The following PIAS2 variants were observed in gnomAD, a reference collection of about 807,000 sequenced individuals.
The protein encoded by PIAS2 is protein inhibitor of activated STAT 2.
In PIAS2, 19 loss-of-function variants were observed where a neutral mutation model predicts 69.7. The observed-to-expected ratio is 0.27, with a 90% CI of 0.19 to 0.40. The LOEUF (loss-of-function observed/expected upper bound fraction) is 0.40, where lower values mean the gene tolerates loss of function less well. PIAS2 is among the 10% of genes least tolerant of loss of function. The pLI is 1.00. For synonymous variants in PIAS2, 261 were observed against 263.2 expected, an observed-to-expected ratio of 0.99 and a Z score of 0.08; for missense variants, 624 against 757.0, an observed-to-expected ratio of 0.82 and a Z score of 2.06.
At chr18:46,920,138 T>C, upstream of PIAS2, 1 of 1,244,286 alleles carries the variant, frequency 8.0e-7, no homozygotes, top group South Asian at 1.2e-5. Context: ...ATGGGTTGGG[T>C]AGGTTTGACT....
At chr18:46,818,531 G>A in intron 12 of PIAS2, 2 of 1,185,838 alleles carry the variant, frequency 1.7e-6, no homozygotes, top group South Asian at 2.7e-5. Context: ...CTCCATTCTT[G>A]GTGTTCTATT....
chr18:46,871,871 T>C (rs1026260741), intron 2 of PIAS2, among the ~76,000 whole-genome samples: 6 of 152,230 alleles, frequency 3.9e-5, no homozygotes, highest in African/African-American at 1.4e-4. Flanking sequence ...GGTATAGGCC[T>C]ACATGTCAGT....
chr18:46,882,807 G>A (rs2052497436), intron 2 of PIAS2, among the ~76,000 whole-genome samples: 1 of 152,082 alleles, frequency 6.6e-6, no homozygotes, highest in East Asian at 1.9e-4. Flanking sequence ...CAAAACTCTA[G>A]GGAACACTAT....
chr18:46,861,832 T>C (rs1390179680), intron 3 of PIAS2, among the ~76,000 whole-genome samples: 1 of 152,210 alleles, frequency 6.6e-6, no homozygotes, highest in East Asian at 1.9e-4. Flanking sequence ...GATTTGGGAT[T>C]GTATCTAGGA....
At chr18:46,883,565 G>C (rs560730423) in intron 2 of PIAS2, among the ~76,000 whole-genome samples, 18 of 152,192 alleles carry the variant, frequency 1.2e-4, no homozygotes, top group African/African-American at 3.9e-4. Context: ...AAGCCTGGCA[G>C]AATGGCTCAT....
intron 2 of PIAS2, among the ~76,000 whole-genome samples, chr18:46,888,175 A>G (rs769844092): frequency 1.8e-4 from 27 of 152,190 alleles, no homozygotes; most frequent in Admixed American, 6.5e-4. Flanking sequence ...TAACAACTAT[A>G]AAACATTGCT....
intron 1 of PIAS2, among the ~76,000 whole-genome samples, chr18:46,896,891 A>G (rs887491495): frequency 6.6e-6 from 1 of 152,262 alleles, no homozygotes; most frequent in Non-Finnish European, 1.5e-5. Flanking sequence ...GATTATTTCT[A>G]TCCTTACAGT....
chr18:46,904,803 T>A (rs897948601), intron 1 of PIAS2, among the ~76,000 whole-genome samples: 12 of 150,398 alleles, frequency 8.0e-5, no homozygotes, highest in African/African-American at 2.9e-4. Context: ...GTACCCAGGC[T>A]GGTCTCAAAC....
In PIAS2 at chr18:46,807,383, A is replaced by ATATATATATATATATATATATTTTT. The variant is rs869149927; in HGVS notation, c.*5049_*5050insAAAAATATATATATATATATATATA. ...TATATATATATATATATATATATAT[A>ATATATATATATATATATATATTTTT]TTTTTTTTTTTTTTTTTTTTTTTTT... On this transcript the variant is annotated 3_prime_UTR_variant, in exon 14 of 14. Coordinates refer to ENST00000585916, the MANE Select transcript of PIAS2 (RefSeq NM_004671.5). The ATATATATATATATATATATATTTTT allele has an allele frequency of 8.6e-5, 1 of 11,600 alleles. No homozygotes were observed. The highest frequency in any genetic ancestry group is 3.0e-3 in the East Asian group (1 of 328). 0.7% of individuals were successfully genotyped at this position (11,600 alleles called of 1,614,324 possible). A position where few individuals can be genotyped will look rare whatever the true frequency, so the allele number is the denominator to read the frequency against.
chr18:46,805,202 T>C lies in PIAS2; in HGVS notation c.*7231A>G, dbSNP rs942307850. 2 of 152,138 alleles carry C rather than the reference T, an allele frequency of 1.3e-5. No individual in the cohort carries two copies. Among genetic ancestry groups the C allele is most frequent in the East Asian group, 3.9e-4 (2 of 5,182 alleles). 9.4% of individuals were successfully genotyped at this position (152,138 alleles called of 1,614,324 possible). A position where few individuals can be genotyped will look rare whatever the true frequency, so the allele number is the denominator to read the frequency against. The stretch of plus-strand genomic sequence containing the variant: ...AACTATGCTACGTCATGTCGGAGGA[T>C]GGATAGGTTACTGAGGATTTCTTCA... On this transcript the variant is annotated 3_prime_UTR_variant, in exon 14 of 14. Coordinates refer to ENST00000585916, the MANE Select transcript of PIAS2 (RefSeq NM_004671.5).
intron 5 of PIAS2, among the ~76,000 whole-genome samples, chr18:46,850,679 T>C (rs771749709): frequency 5.3e-5 from 8 of 152,192 alleles, no homozygotes; most frequent in Non-Finnish European, 1.2e-4. Context: ...GATCAGGAGT[T>C]CAGGGGATGT....
At chr18:46,900,915 G>C (rs776687924) in intron 1 of PIAS2, 1 of 270,970 alleles carries the variant, frequency 3.7e-6, no homozygotes, top group Non-Finnish European at 7.2e-6. Flanking sequence ...CGGAGGTTGC[G>C]GTGAGCCGAC....
intron 1 of PIAS2, among the ~76,000 whole-genome samples, chr18:46,915,835 C>G (rs887736662): frequency 6.6e-6 from 1 of 150,910 alleles, no homozygotes; most frequent in Non-Finnish European, 1.5e-5. Context: ...ACATCTGTTA[C>G]TACACAAAAA....
chr18:46,906,781 G>C (rs1021853231), intron 1 of PIAS2, among the ~76,000 whole-genome samples: 2 of 144,554 alleles, frequency 1.4e-5, no homozygotes, highest in Non-Finnish European at 3.1e-5. Context: ...TGTGGGGGGG[G>C]GGGGAGGTGT....
At chr18:46,888,957 A>C (rs1409589018) in intron 2 of PIAS2, among the ~76,000 whole-genome samples, 1 of 152,182 alleles carries the variant, frequency 6.6e-6, no homozygotes, top group African/African-American at 2.4e-5. Context: ...ATACTTTTTG[A>C]CAAGGGTGCT....
rs535880181 is a variant in PIAS2, at chr18:46,811,148, T to G, written c.*1285A>C. 1.3e-5 allele frequency: 2 copies of G among 152,112 alleles called. No homozygotes were observed. The highest frequency in any genetic ancestry group is 4.8e-5 in the African/African-American group (2 of 41,404). 9.4% of individuals were successfully genotyped at this position (152,112 alleles called of 1,614,324 possible). A position where few individuals can be genotyped will look rare whatever the true frequency, so the allele number is the denominator to read the frequency against. Reference sequence around the variant, plus strand: ...CCTGGAGTGTTTGGGGTAGCATGGATTGAGACAGGAAGTGGGTTCAGGCCC... The same window carrying G: ...CCTGGAGTGTTTGGGGTAGCATGGAGTGAGACAGGAAGTGGGTTCAGGCCC... On this transcript the variant is annotated 3_prime_UTR_variant, in exon 14 of 14. Coordinates refer to ENST00000585916, the MANE Select transcript of PIAS2 (RefSeq NM_004671.5).
chr18:46,876,363 C>G (rs922791277), intron 2 of PIAS2, among the ~76,000 whole-genome samples: 3 of 152,164 alleles, frequency 2.0e-5, no homozygotes, highest in African/African-American at 7.2e-5. Flanking sequence ...TGAGTCCATA[C>G]TATTCTGGTG....
chr18:46,858,125 G>GTGCAAAGA (rs1009562435), intron 3 of PIAS2, among the ~76,000 whole-genome samples: 6 of 151,894 alleles, frequency 4.0e-5, no homozygotes, highest in African/African-American at 9.7e-5. Context: ...GGCGGCAAAG[G>GTGCAAAGA]TGCAAAGATG....
At chr18:46,907,827 G>A (rs995222522) in intron 1 of PIAS2, 7 of 152,174 alleles carry the variant, frequency 4.6e-5, no homozygotes, top group African/African-American at 1.7e-4. Flanking sequence ...TGATTTTCCT[G>A]TTGGGAGGGT....
Sources: allele counts gnomAD v4.1 joint callset (sites outside exome capture counted in the v4.1 genomes callset), GRCh38; gene constraint gnomAD v4.1.1; transcripts MANE v1.5; gene names NCBI Gene and HGNC (gene_info 2026-07-23, HGNC 2026-07-21).